ARHGAP29: variants seen among roughly 807,000 people sequenced by gnomAD.
The protein encoded by ARHGAP29 is Rho GTPase activating protein 29.
Under a neutral mutation model 122.6 loss-of-function variants are expected in ARHGAP29, and 43 were observed. That is an observed-to-expected ratio of 0.35 (90% CI 0.27 to 0.45). The LOEUF (loss-of-function observed/expected upper bound fraction) is 0.45. Ranked by LOEUF, ARHGAP29 falls within the 20% of genes least tolerant of loss-of-function variation. The pLI is 1.00. For synonymous variants in ARHGAP29, 506 were observed against 497.1 expected (o/e 1.02, Z -0.24); for missense variants, 1,303 against 1,477.2 (o/e 0.88, Z 1.93).
At chr1:94,266,239 C>G (rs1406636439) in intron 1 of ARHGAP29, among the ~76,000 whole-genome samples, 2 of 152,182 alleles carry the variant, frequency 1.3e-5, no homozygotes, top group African/African-American at 4.8e-5. Context: ...GGCTCAAAAG[C>G]CAGGCATTGA....
intron 19 of ARHGAP29, among the ~76,000 whole-genome samples, chr1:94,182,318 A>G (rs1460563217): frequency 6.6e-6 from 1 of 152,096 alleles, no homozygotes; most frequent in Non-Finnish European, 1.5e-5. Context: ...TAAGGGAACT[A>G]GAGAACCTGT....
At chr1:94,265,094 TC>T (rs1654710189) in intron 1 of ARHGAP29, among the ~76,000 whole-genome samples, 1 of 152,250 alleles carries the variant, frequency 6.6e-6, no homozygotes, top group Non-Finnish European at 1.5e-5. Context: ...GCCAGCTGCA[TC>T]TTAACGAACT....
chr1:94,268,972 A>G (rs1654889219), intron 1 of ARHGAP29, among the ~76,000 whole-genome samples: 1 of 152,206 alleles, frequency 6.6e-6, no homozygotes, highest in South Asian at 2.1e-4. Flanking sequence ...AGGCACATCC[A>G]TATACATATG....
At chr1:94,192,945 G>A (rs1241515267) in intron 12 of ARHGAP29, 14 of 151,922 alleles carry the variant, frequency 9.2e-5, no homozygotes, top group African/African-American at 3.1e-4. Flanking sequence ...TCAACAACTC[G>A]CAAGACAAAA....
chr1:94,202,414 T>C (rs1541098), intron 11 of ARHGAP29, 130 bp downstream of exon 11: 248,190 of 1,087,734 alleles, frequency 0.23, 29,791 homozygotes, highest in East Asian at 0.33. Flanking sequence ...TGAGAAACTC[T>C]GGGGGATGGG....
intron 2 of ARHGAP29, among the ~76,000 whole-genome samples, chr1:94,223,233 C>T (rs910277295): frequency 7.9e-5 from 12 of 152,220 alleles, no homozygotes; most frequent in East Asian, 3.9e-4. Context: ...CGTGAGCCAC[C>T]GCCCCTGGCC....
In ARHGAP29 at chr1:94,178,176, T is replaced by C. The variant is rs994121160; in HGVS notation, c.2481-9A>G. On this transcript the variant is annotated splice_polypyrimidine_tract_variant and intron_variant, in intron 20 of 22. Transcript: ENST00000260526. Reference sequence around the variant, plus strand: ...CTGCATGATCTACTACCCTGCAAAGTAGAACACATAAAGTTGTATGAGATT... The same window carrying C: ...CTGCATGATCTACTACCCTGCAAAGCAGAACACATAAAGTTGTATGAGATT... 3 of 1,604,384 alleles carry C rather than the reference T, an allele frequency of 1.9e-6. No individual in the cohort carries two copies. The highest frequency in any genetic ancestry group is 1.7e-6 in the Non-Finnish European group (2 of 1,175,116).
chr1:94,300,764 A>G, the ARHGAP29 span, among the ~76,000 whole-genome samples: 1 of 152,202 alleles, frequency 6.6e-6, no homozygotes, highest in Non-Finnish European at 1.5e-5. Context: ...GTACTATGGC[A>G]TATAGGCTTA....
chr1:94,227,873 C>T (rs961314165), intron 2 of ARHGAP29, among the ~76,000 whole-genome samples: 2 of 151,726 alleles, frequency 1.3e-5, no homozygotes, highest in Non-Finnish European at 3.0e-5. Flanking sequence ...AACTGAGTGC[C>T]TTCAGCATTT....
intron 2 of ARHGAP29, among the ~76,000 whole-genome samples, chr1:94,224,236 G>A (rs1183920585): frequency 6.6e-6 from 1 of 152,112 alleles, no homozygotes; most frequent in African/African-American, 2.4e-5. Flanking sequence ...AAACCAAGGT[G>A]GAGTGATTAT....
At chr1:94,245,831 A>G (rs1470718300) in intron 1 of ARHGAP29, among the ~76,000 whole-genome samples, 1 of 152,198 alleles carries the variant, frequency 6.6e-6, no homozygotes, top group Non-Finnish European at 1.5e-5. Context: ...CTTTAGGGTG[A>G]CTTCTGGGCA....
intron 1 of ARHGAP29, among the ~76,000 whole-genome samples, chr1:94,233,805 T>C (rs1431373676): frequency 6.6e-6 from 1 of 152,240 alleles, no homozygotes; most frequent in Non-Finnish European, 1.5e-5. Context: ...CTCCATGGGA[T>C]GTATGTGAGT....
At chr1:94,207,840 T>G (rs1000415167) in intron 5 of ARHGAP29, among the ~76,000 whole-genome samples, 3 of 152,102 alleles carry the variant, frequency 2.0e-5, no homozygotes, top group Admixed American at 6.5e-5. Flanking sequence ...TGATTTTTTT[T>G]TTTGTTTTTG....
intron 1 of ARHGAP29, among the ~76,000 whole-genome samples, chr1:94,252,774 A>G (rs1224026566): frequency 6.6e-6 from 1 of 152,042 alleles, no homozygotes; most frequent in Non-Finnish European, 1.5e-5. Flanking sequence ...AGGGGTAAAC[A>G]TTTTCCACGA....
chr1:94,250,479 T>C (rs1287927027), intron 1 of ARHGAP29: 1 of 152,216 alleles, frequency 6.6e-6, no homozygotes, highest in African/African-American at 2.4e-5. Context: ...CTCCCTGGAC[T>C]GCGGCTGTCC....
chr1:94,174,560 T>C lies in ARHGAP29; in HGVS notation c.3095A>G (p.Asn1032Ser). Residue 1032 changes from asparagine (N) to serine (S), a missense_variant, in exon 23 of 23, where the codon AAT (asparagine) becomes AGT (serine). This residue lies in a region of ARHGAP29 where 620 missense variants were observed against 651.2 expected (regional missense o/e 0.95). Transcript: ENST00000260526. Reference protein sequence around the residue: ...VDRLLLASPPNERNGRNMGNV... With the variant: ...VDRLLLASPPSERNGRNMGNV... The stretch of plus-strand genomic sequence containing the variant: ...TCCCATATTTCTGCCATTTCTCTCA[T>C]TAGGAGGACTTGCAAGAAGTAGTCT... The C allele has an allele frequency of 6.2e-7, 1 of 1,614,190 alleles. No homozygotes were observed. The highest frequency in any genetic ancestry group is 8.5e-7 in the Non-Finnish European group (1 of 1,180,018).
At chr1:94,177,779 A>C in intron 21 of ARHGAP29, 59 bp from the exon 22 acceptor site, 4 of 1,558,122 alleles carry the variant, frequency 2.6e-6, no homozygotes, top group Non-Finnish European at 2.6e-6. Context: ...CAAAATAAAC[A>C]GTTCAAAGAT....
Position 94,233,123 on chromosome 1 carries a change from AT to A in ARHGAP29, c.-32-1481del, listed in dbSNP as rs549501067. ...CCACACCTAGCTAGCTAAAAAAAAAATTTTTTTTTTGTAGAGATACAGTTTC... is the reference window on the plus strand; with the variant it reads ...CCACACCTAGCTAGCTAAAAAAAAAATTTTTTTTTGTAGAGATACAGTTTC... On this transcript the variant is annotated intron_variant, in intron 1 of 22. Coordinates refer to ENST00000260526, the MANE Select transcript of ARHGAP29 (RefSeq NM_004815.4). 5.4e-5 allele frequency among the ~76,000 whole-genome samples: 8 copies of A among 149,098 alleles called. No homozygotes were observed. The East Asian group carries it at 5.9e-4, about 11-fold the overall frequency.
the ARHGAP29 span, among the ~76,000 whole-genome samples, chr1:94,312,618 G>T: frequency 6.6e-6 from 1 of 151,886 alleles, no homozygotes; most frequent in Non-Finnish European, 1.5e-5. Context: ...TTTTAGTACA[G>T]ACAGGGTTTC....
Sources: allele counts gnomAD v4.1 joint callset (sites outside exome capture counted in the v4.1 genomes callset), GRCh38; gene constraint gnomAD v4.1.1; regional missense constraint gnomAD v4.1.1; transcripts MANE v1.5; gene names NCBI Gene and HGNC (gene_info 2026-07-23, HGNC 2026-07-21).